PHRF1: variants seen among roughly 807,000 people sequenced by gnomAD.
PHRF1 encodes PHD and ring finger domains 1.
Under a neutral mutation model 128.9 loss-of-function variants are expected in PHRF1, and 53 were observed. That is an observed-to-expected ratio of 0.41 (90% CI 0.33 to 0.52). PHRF1 has a LOEUF of 0.52. PHRF1 is among the 20% of genes least tolerant of loss of function. PHRF1 has a pLI of 0.21. For synonymous variants in PHRF1, 1,178 were observed against 980.6 expected (o/e 1.20, Z -3.76); for missense variants, 2,503 against 2,284.5 (o/e 1.10, Z -1.95).
intron 4 of PHRF1, among the ~76,000 whole-genome samples, chr11:590,922 C>T (rs551434301): frequency 1.1e-4 from 17 of 152,226 alleles, no homozygotes; most frequent in South Asian, 8.3e-4. Flanking sequence ...AGGCTGGTCT[C>T]GAACTCCCGA....
intron 3 of PHRF1, 122 bp from the exon 4 acceptor site, chr11:587,137 C>G (rs574349667): frequency 5.8e-6 from 5 of 859,844 alleles, no homozygotes; most frequent in Admixed American, 2.2e-5. Flanking sequence ...CAGGAGCCTG[C>G]GGGGAGGTGG....
intron 8 of PHRF1, 30 bp from the exon 9 acceptor site, chr11:598,343 C>A: frequency 6.3e-7 from 1 of 1,599,316 alleles, no homozygotes; most frequent in South Asian, 1.1e-5. Context: ...GCCCCAAGGG[C>A]ATCTGACGGC....
Position 612,217 on chromosome 11 carries a change from T to C in PHRF1, c.*440T>C. ...ATTAGGAATATCTTTACTTTCTCTT[T>C]TCCAATTATGTTGTGCTCTTGTAAA... On this transcript the variant is annotated 3_prime_UTR_variant, in exon 18 of 18. Coordinates refer to ENST00000264555, the MANE Select transcript of PHRF1 (RefSeq NM_001286581.2). 3.3e-6 allele frequency: 1 copy of C among 300,136 alleles called. No homozygotes were observed. Among genetic ancestry groups the C allele is most frequent in the Admixed American group, 4.7e-5 (1 of 21,364 alleles). The allele number at this position is 300,136 out of a possible 1,614,324, so 18.6% of individuals were successfully genotyped here.
At chr11:610,456 C>A in intron 15 of PHRF1, 45 bp from the exon 16 acceptor site, 1 of 1,577,016 alleles carries the variant, frequency 6.3e-7, no homozygotes, top group South Asian at 1.1e-5. Context: ...GGGCACAGAG[C>A]TGCTAGCTGT....
In PHRF1 at chr11:587,362, G is replaced by C; in HGVS notation, c.318G>C (p.Glu106Asp). 6.2e-7 allele frequency: 1 copy of C among 1,613,906 alleles called. No individual in the cohort carries two copies. Among genetic ancestry groups the C allele is most frequent in the Non-Finnish European group, 8.5e-7 (1 of 1,179,910 alleles). Residue 106 changes from glutamate to aspartate, a missense_variant, in exon 4 of 18, where the codon GAG becomes GAC. Physicochemically the swap from Glu to Asp is conservative, Grantham distance 45. Coordinates refer to ENST00000264555, the MANE Select transcript of PHRF1 (RefSeq NM_001286581.2). ...AGSFNSDDDA[E>D]SCPICLNAFR... Reference sequence around the variant, plus strand: ...CTTTCAATTCTGATGATGATGCAGAGAGCTGCCCAATCTGTCTCAACGCAT... The same window carrying C: ...CTTTCAATTCTGATGATGATGCAGACAGCTGCCCAATCTGTCTCAACGCAT...
At chr11:610,387 G>A (rs1856295303) in intron 15 of PHRF1, 40 bp downstream of exon 15, 1 of 1,537,716 alleles carries the variant, frequency 6.5e-7, no homozygotes, top group South Asian at 1.2e-5. Flanking sequence ...CGTGGGCAGT[G>A]GCCTGGCACC....
chr11:609,650 C>T lies in PHRF1; in HGVS notation c.4194C>T (p.Ala1398=), dbSNP rs1371524512. The T allele has an allele frequency of 1.9e-6, 3 of 1,568,662 alleles. No individual in the cohort carries two copies. The African/African-American group carries it at 4.1e-5, about 21-fold the overall frequency. Residue 1398 remains alanine, a synonymous_variant, in exon 14 of 18, where the codon GCC becomes GCT. Transcript: ENST00000264555. ...AGACCCCCCTGCTGCGGTCCAGAGC[C>T]CTGGTGAAGCGGGTCACCTGGAACC... ...VSQTPLLRSR[A]LVKRVTWNLQ... is the part of the protein sequence containing the mutation.
chr11:601,523 G>C, intron 9 of PHRF1, 51 bp from the exon 10 acceptor site: 2 of 1,610,826 alleles, frequency 1.2e-6, no homozygotes, highest in African/African-American at 1.3e-5. Flanking sequence ...CAGGAATGGG[G>C]CAGGGAGGGC....
chr11:596,868 G>A (rs1362110448), intron 6 of PHRF1, 55 bp from the exon 7 acceptor site: 4 of 1,527,600 alleles, frequency 2.6e-6, no homozygotes, highest in East Asian at 4.5e-5. Flanking sequence ...ACTTGAGGAG[G>A]TTTGGGAAAG....
At chr11:580,672 G>A (rs942275386) in intron 1 of PHRF1, among the ~76,000 whole-genome samples, 2 of 152,220 alleles carry the variant, frequency 1.3e-5, no homozygotes, top group African/African-American at 4.8e-5. Context: ...TTCGTATATG[G>A]TGTTGCGATT....
Position 607,768 on chromosome 11 carries a change from G to A in PHRF1, c.2312G>A (p.Gly771Glu). 3 of 1,612,576 alleles carry A rather than the reference G, an allele frequency of 1.9e-6. No individual in the cohort carries two copies. Among genetic ancestry groups the A allele is most frequent in the Non-Finnish European group, 2.5e-6 (3 of 1,179,794 alleles). The part of the protein sequence containing the change: ...PLGPSRGKGV[G>E]STFESFRINI... ...GGACCATCAAGAGGGAAAGGGGTCG[G>A]GTCGACCTTTGAGAGCTTCCGGATC... Residue 771 changes from glycine to glutamate, a missense_variant, in exon 14 of 18, where the codon GGG becomes GAG. Coordinates refer to ENST00000264555, the MANE Select transcript of PHRF1 (RefSeq NM_001286581.2).
intron 8 of PHRF1, 22 bp from the exon 9 acceptor site, chr11:598,351 G>A (rs754750889): frequency 1.2e-5 from 19 of 1,602,156 alleles, no homozygotes; most frequent in Non-Finnish European, 1.4e-5. Flanking sequence ...GGCATCTGAC[G>A]GCACCACCCC....
intron 3 of PHRF1, 59 bp from the exon 4 acceptor site, chr11:587,200 C>T: frequency 6.5e-7 from 1 of 1,547,348 alleles, no homozygotes; most frequent in East Asian, 2.3e-5. Context: ...CGCTTGCCTC[C>T]AGTGCCGCGG....
chr11:611,067 C>T lies in PHRF1; in HGVS notation c.4791C>T (p.Arg1597=), dbSNP rs763597824. 1 of 1,612,896 alleles carries T rather than the reference C, an allele frequency of 6.2e-7. No homozygotes were observed. Among genetic ancestry groups the T allele is most frequent in the Non-Finnish European group, 8.5e-7 (1 of 1,179,668 alleles). Residue 1597 remains arginine (R), a synonymous_variant, in exon 17 of 18, where the codon CGC becomes CGT. Coordinates refer to ENST00000264555, the MANE Select transcript of PHRF1 (RefSeq NM_001286581.2). The stretch of plus-strand genomic sequence containing the variant: ...AGGAGGAGTACAAGGACATCCTGCG[C>T]AAGGCCGTGCAGAAGGTGGGCTGTG... The part of the protein sequence containing the change: ...VTKEEYKDIL[R]KAVQKICHSK...
At chr11:583,280 A>G (rs749187048) in intron 3 of PHRF1, among the ~76,000 whole-genome samples, 13 of 151,926 alleles carry the variant, frequency 8.6e-5, no homozygotes, top group Non-Finnish European at 1.5e-4. Flanking sequence ...CGGAGGTTGC[A>G]GTGAGCCAAG....
chr11:602,039 C>T (rs1197628548), intron 10 of PHRF1, among the ~76,000 whole-genome samples: 1 of 152,198 alleles, frequency 6.6e-6, no homozygotes, highest in African/African-American at 2.4e-5. Flanking sequence ...CTGGCAGAGG[C>T]CCCCAGGAGC....
chr11:602,140 T>C (rs773513917), intron 10 of PHRF1, among the ~76,000 whole-genome samples: 3 of 152,252 alleles, frequency 2.0e-5, no homozygotes, highest in Admixed American at 6.5e-5. Context: ...TTCTGACCCA[T>C]GTTCGCTGGG....
At chr11:605,040 C>T (rs1855860289) in intron 10 of PHRF1, 79 bp from the exon 11 acceptor site, 2 of 1,394,598 alleles carry the variant, frequency 1.4e-6, no homozygotes, top group Non-Finnish European at 9.7e-7. Flanking sequence ...CTGATGAAGG[C>T]TTCACGTGGC....
chr11:606,861 G>A (rs1440506680), intron 13 of PHRF1: 6 of 942,290 alleles, frequency 6.4e-6, no homozygotes, highest in Non-Finnish European at 9.2e-6. Context: ...GTGTCCTGAT[G>A]GCCTCAGGCA....
Sources: gnomAD v4.1 joint callset for allele counts (sites outside exome capture counted in the v4.1 genomes callset) on GRCh38, gnomAD v4.1.1 for gene constraint, MANE v1.5 for transcripts, NCBI Gene and HGNC (gene_info 2026-07-23, HGNC 2026-07-21) for gene names.